Variants in CDH1 observed in about 807,000 individuals in gnomAD.
The protein encoded by CDH1 is cadherin-1.
CDH1 carries 35 observed loss-of-function variants against 84.5 expected under a neutral mutation model. The observed-to-expected ratio is 0.41, with a 90% CI of 0.32 to 0.55. The LOEUF (loss-of-function observed/expected upper bound fraction) is 0.55, where lower values mean the gene tolerates loss of function less well. CDH1 is among the 20% of genes least tolerant of loss of function. The pLI is 0.19. For synonymous variants in CDH1, 417 were observed against 439.0 expected (o/e 0.95, Z 0.63); for missense variants, 994 against 1,126.6 (o/e 0.88, Z 1.68).
At position 68,819,374 on chromosome 16, in the gene CDH1, G is replaced by C. The variant is rs566103420; in HGVS notation, c.1660G>C (p.Glu554Gln). The change falls in exon 11 of 16, where the codon GAG becomes CAG. Residue 554 changes from glutamate (E) to glutamine (Q), a missense_variant. Physicochemically the swap from Glu to Gln is conservative, Grantham distance 29. Transcript: ENST00000261769. Reference protein sequence around the residue: ...TRAELDREDFEHVKNSTYTAL... With the variant: ...TRAELDREDFQHVKNSTYTAL... ...GGCTGAGCTGGACAGGGAGGATTTT[G>C]AGCACGTGAAGAACAGCACGTACAC... is the stretch of plus-strand genomic sequence containing the variant. The C allele has an allele frequency of 1.2e-6, 2 of 1,614,022 alleles. No homozygotes were observed. Among genetic ancestry groups the C allele is most frequent in the South Asian group, 1.1e-5 (1 of 91,068 alleles).
At chr16:68,772,620 A>G (rs893477109) in intron 2 of CDH1, among the ~76,000 whole-genome samples, 11 of 151,990 alleles carry the variant, frequency 7.2e-5, no homozygotes, top group Admixed American at 6.6e-4. Flanking sequence ...TCACCACACT[A>G]TGTCAAATTG....
At chr16:68,792,834 C>A (rs535188817) in intron 2 of CDH1, among the ~76,000 whole-genome samples, 4 of 152,192 alleles carry the variant, frequency 2.6e-5, no homozygotes, top group Non-Finnish European at 1.5e-5. Context: ...TCTCTCTCCA[C>A]CCCCGTCTGC....
chr16:68,782,393 G>C (rs1030828680), intron 2 of CDH1, among the ~76,000 whole-genome samples: 1 of 152,232 alleles, frequency 6.6e-6, no homozygotes, highest in South Asian at 2.1e-4. Context: ...GAACAGGAGC[G>C]GCAGCTTACC....
intron 2 of CDH1, among the ~76,000 whole-genome samples, chr16:68,794,137 A>G (rs926960455): frequency 2.0e-5 from 3 of 152,006 alleles, no homozygotes; most frequent in African/African-American, 7.3e-5. Flanking sequence ...GGCTCAAGCA[A>G]ACCTCTTGTC....
intron 2 of CDH1, among the ~76,000 whole-genome samples, chr16:68,744,748 A>G (rs749424204): frequency 1.8e-4 from 28 of 152,198 alleles, no homozygotes; most frequent in Non-Finnish European, 3.5e-4. Context: ...TAAAATGAGC[A>G]TAATAGCATG....
At chr16:68,781,288 C>T (rs536745161) in intron 2 of CDH1, among the ~76,000 whole-genome samples, 15 of 152,242 alleles carry the variant, frequency 9.9e-5, no homozygotes, top group African/African-American at 3.1e-4. Flanking sequence ...TCATTCTCCA[C>T]CCTCCTCCAC....
At chr16:68,738,849 G>A (rs1389112585) in intron 2 of CDH1, among the ~76,000 whole-genome samples, 1 of 149,578 alleles carries the variant, frequency 6.7e-6, no homozygotes, top group Non-Finnish European at 1.5e-5. Context: ...CTGACTCCCA[G>A]GCCCCATTAA....
chr16:68,816,811 G>A (rs897748074), intron 10 of CDH1, among the ~76,000 whole-genome samples: 2 of 152,172 alleles, frequency 1.3e-5, no homozygotes, highest in African/African-American at 2.4e-5. Context: ...TCATAATCTA[G>A]AGATATTTCT....
intron 2 of CDH1, among the ~76,000 whole-genome samples, chr16:68,748,094 T>G (rs8064083): frequency 1.4e-5 from 2 of 139,790 alleles, no homozygotes; most frequent in South Asian, 4.4e-4. Flanking sequence ...TTTAAAAAAA[T>G]TTTTAAAAAT....
At chr16:68,830,200 G>C (rs1363024697) in intron 15 of CDH1, among the ~76,000 whole-genome samples, 1 of 151,968 alleles carries the variant, frequency 6.6e-6, no homozygotes, top group Non-Finnish European at 1.5e-5. Context: ...TGATCCACCT[G>C]CCTTGGCCTC....
At chr16:68,811,062 C>T (rs997859397) in intron 6 of CDH1, among the ~76,000 whole-genome samples, 1 of 151,930 alleles carries the variant, frequency 6.6e-6, no homozygotes, top group Non-Finnish European at 1.5e-5. Context: ...AAGCCCTAAA[C>T]AATCCCCCTT....
intron 12 of CDH1, among the ~76,000 whole-genome samples, 180 bp downstream of exon 12, chr16:68,822,405 ATCTAACTT>A (rs1301168649): frequency 2.6e-5 from 4 of 151,706 alleles, no homozygotes; most frequent in Non-Finnish European, 5.9e-5. Flanking sequence ...CTTTCCTGGT[ATCTAACTT>A]TGTAGCATGC....
intron 2 of CDH1, among the ~76,000 whole-genome samples, chr16:68,786,282 C>T (rs1369440072): frequency 4.6e-5 from 7 of 152,126 alleles, no homozygotes; most frequent in African/African-American, 1.7e-4. Context: ...AGCGATTCTC[C>T]TGCCTCAGCC....
At chr16:68,803,834 G>T (rs529246968) in intron 3 of CDH1, among the ~76,000 whole-genome samples, 13 of 151,968 alleles carry the variant, frequency 8.6e-5, no homozygotes, top group Non-Finnish European at 1.6e-4. Flanking sequence ...TTTATGTCGT[G>T]GTTTATTCCT....
chr16:68,753,492 C>T (rs1020639172), intron 2 of CDH1, among the ~76,000 whole-genome samples: 1 of 151,770 alleles, frequency 6.6e-6, no homozygotes, highest in African/African-American at 2.4e-5. Context: ...TTTTTAGCCA[C>T]CATGCCCGGC....
chr16:68,738,347 C>T lies in CDH1; in HGVS notation c.99C>T (p.Asp33=), dbSNP rs1597838607. The T allele has an allele frequency of 6.5e-7, 1 of 1,550,244 alleles. No individual in the cohort carries two copies. The highest frequency in any genetic ancestry group is 8.7e-7 in the Non-Finnish European group (1 of 1,146,476). ...CGGAGCCCTGCCACCCTGGCTTTGA[C>T]GCCGAGAGCTACACGTTCACGGTGC... ...QEPEPCHPGF[D]AESYTFTVPR... Residue 33 remains aspartate (D), a synonymous_variant, in exon 2 of 16, where the codon GAC becomes GAT. Transcript: ENST00000261769.
chr16:68,768,095 C>T (rs373682066), intron 2 of CDH1, among the ~76,000 whole-genome samples: 1 of 152,186 alleles, frequency 6.6e-6, no homozygotes, highest in Middle Eastern at 3.4e-3. Context: ...TACAGGCATG[C>T]GTCACCACAC....
intron 2 of CDH1, chr16:68,742,724 TC>T (rs1388307139): frequency 2.6e-5 from 4 of 152,386 alleles, no homozygotes; most frequent in African/African-American, 9.6e-5. Flanking sequence ...CCCGGCCATT[TC>T]CCCTCCTTTC....
intron 2 of CDH1, among the ~76,000 whole-genome samples, chr16:68,749,599 C>T (rs564836577): frequency 2.6e-5 from 4 of 152,334 alleles, no homozygotes; most frequent in South Asian, 4.1e-4. Context: ...CTGCCAGTGA[C>T]CTTGCACGCT....
Sources: gnomAD v4.1 joint callset for allele counts (sites outside exome capture counted in the v4.1 genomes callset) on GRCh38, gnomAD v4.1.1 for gene constraint, MANE v1.5 for transcripts, NCBI Gene and HGNC (gene_info 2026-07-23, HGNC 2026-07-21) for gene names.